Variants in RUNX1T1 observed in about 807,000 individuals in gnomAD.
The protein encoded by RUNX1T1 is RUNX1 partner transcriptional co-repressor 1.
A neutral mutation model predicts 62.8 loss-of-function variants in RUNX1T1; 4 were observed. The observed-to-expected ratio is 0.06, with a 90% confidence interval of 0.03 to 0.15. RUNX1T1 has a LOEUF of 0.15. RUNX1T1 is among the 10% of genes least tolerant of loss of function. RUNX1T1 has a pLI of 1.00. For synonymous variants in RUNX1T1, 291 were observed against 286.0 expected (o/e 1.02, Z -0.18); for missense variants, 508 against 754.3 (o/e 0.67, Z 3.82).
chr8:92,039,144 G>GTTT (rs71563486), intron 1 of RUNX1T1, among the ~76,000 whole-genome samples: 12 of 137,116 alleles, frequency 8.8e-5, no homozygotes, highest in Non-Finnish European at 1.4e-4. Flanking sequence ...TTTTGTTGTT[G>GTTT]TTTTTTTTTT....
At chr8:92,085,383 T>C (rs1376843591) in intron 1 of RUNX1T1, among the ~76,000 whole-genome samples, 1 of 152,232 alleles carries the variant, frequency 6.6e-6, no homozygotes, top group Non-Finnish European at 1.5e-5. Context: ...TGTATATACT[T>C]GCACAAGTAG....
At chr8:91,966,657 AAAT>A (rs1811696637) in intron 10 of RUNX1T1, among the ~76,000 whole-genome samples, 1 of 152,178 alleles carries the variant, frequency 6.6e-6, no homozygotes, top group African/African-American at 2.4e-5. Context: ...AATATGGAGA[AAAT>A]AAAAGAATTT....
chr8:92,048,338 C>T (rs746142), intron 1 of RUNX1T1, among the ~76,000 whole-genome samples: 37,936 of 151,796 alleles, frequency 0.25, 5,208 homozygotes, highest in African/African-American at 0.37. Flanking sequence ...GTGTATGCAA[C>T]GTGATTTGAC....
chr8:92,008,178 T>C (rs890101652), intron 4 of RUNX1T1, among the ~76,000 whole-genome samples: 3 of 151,982 alleles, frequency 2.0e-5, no homozygotes, highest in Admixed American at 1.3e-4. Context: ...ATCCCAAAGA[T>C]AAGAAATCCT....
At chr8:91,999,189 A>C (rs1386591738) in intron 5 of RUNX1T1, among the ~76,000 whole-genome samples, 1 of 152,186 alleles carries the variant, frequency 6.6e-6, no homozygotes, top group Non-Finnish European at 1.5e-5. Flanking sequence ...ACTTTCATAC[A>C]GGACATGTAT....
chr8:92,017,477 A>G (rs766791010), intron 1 of RUNX1T1, 114 bp from the exon 3 acceptor site: 1 of 1,565,586 alleles, frequency 6.4e-7, no homozygotes, highest in Admixed American at 1.9e-5. Context: ...ATCTTCTATC[A>G]ATAAAATACA....
intron 8 of RUNX1T1, among the ~76,000 whole-genome samples, chr8:91,979,293 C>T (rs185914579): frequency 5.3e-5 from 8 of 152,108 alleles, no homozygotes; most frequent in Non-Finnish European, 1.2e-4. Context: ...ACAATTCTCT[C>T]CTAGGACTTT....
intron 1 of RUNX1T1, among the ~76,000 whole-genome samples, chr8:92,082,712 C>A (rs766043161): frequency 4.6e-5 from 7 of 152,200 alleles, no homozygotes; most frequent in Non-Finnish European, 1.0e-4. Flanking sequence ...CCTCACTGTT[C>A]AGTACCATCT....
At chr8:91,996,480 C>A (rs1033251504) in intron 5 of RUNX1T1, among the ~76,000 whole-genome samples, 1 of 152,310 alleles carries the variant, frequency 6.6e-6, no homozygotes, top group Admixed American at 6.5e-5. Context: ...GGATTACAGG[C>A]GTGAGCCACA....
exon 1 of RUNX1T1, chr8:92,062,626 T>G (rs757434194): frequency 6.2e-7 from 1 of 1,613,976 alleles, no homozygotes; most frequent in Non-Finnish European, 8.5e-7. Context: ...ATGCCTCCTG[T>G]TCTGGAATGA....
intron 5 of RUNX1T1, among the ~76,000 whole-genome samples, chr8:92,000,013 T>G (rs556614628): frequency 6.6e-6 from 1 of 152,102 alleles, no homozygotes; most frequent in Non-Finnish European, 1.5e-5. Flanking sequence ...AACATATAAA[T>G]GTAATTTTGT....
At chr8:91,959,536 A>AT (rs34692993) in exon 11 of RUNX1T1, 22,689 of 169,246 alleles carry the variant, frequency 0.13, 1,956 homozygotes, top group Admixed American at 0.25. Context: ...GTATTATGGC[A>AT]TTTTTTTTTC....
At chr8:92,088,494 ATACTCCACTTGTC>A (rs1836481876) in intron 1 of RUNX1T1, among the ~76,000 whole-genome samples, 1 of 152,196 alleles carries the variant, frequency 6.6e-6, no homozygotes, top group East Asian at 1.9e-4. Flanking sequence ...CTAATTTCTG[ATACTCCACTTGTC>A]AATGTGCATT....
At chr8:91,957,750 G>A (rs1809593518), downstream of RUNX1T1, 1 of 225,624 alleles carries the variant, frequency 4.4e-6, no homozygotes, top group Non-Finnish European at 8.8e-6. Flanking sequence ...AGACTAGAAA[G>A]CAGAGTGAGG....
chr8:92,083,250 G>A (rs1236873753), intron 1 of RUNX1T1, among the ~76,000 whole-genome samples: 1 of 152,114 alleles, frequency 6.6e-6, no homozygotes, highest in Non-Finnish European at 1.5e-5. Context: ...CTTGACAAAT[G>A]GGATCTAATT....
intron 10 of RUNX1T1, among the ~76,000 whole-genome samples, chr8:91,967,385 G>A (rs141963059): frequency 1.1e-3 from 127 of 113,778 alleles, no homozygotes; most frequent in African/African-American, 3.0e-3. Context: ...CCCCTCCCCC[G>A]CCCACCTACA....
chr8:92,025,975 A>T (rs1587102285), intron 1 of RUNX1T1, among the ~76,000 whole-genome samples: 1 of 152,216 alleles, frequency 6.6e-6, no homozygotes, highest in South Asian at 2.1e-4. Context: ...TACACATATG[A>T]TCTATGGCCT....
At chr8:91,977,704 A>G (rs1814279053) in intron 8 of RUNX1T1, among the ~76,000 whole-genome samples, 1 of 152,276 alleles carries the variant, frequency 6.6e-6, no homozygotes, top group Non-Finnish European at 1.5e-5. Context: ...AAGTTTGAAG[A>G]AAGAAAAAAA....
rs186013468 is a variant in RUNX1T1 at position 92,042,650 on chromosome 8, G to T, written c.7+19896C>A. Among the ~76,000 whole-genome samples, 19 of 152,258 alleles carry T rather than the reference G, an allele frequency of 1.2e-4. No homozygotes were observed. The East Asian group carries it at 3.5e-3, about 28-fold the overall frequency. ...CTGCTTTCCCTCACCTTAAAGTAAGGGTGGTCCTGGCAACTGCCTCTGTAA... is the reference window on the plus strand; with the variant it reads ...CTGCTTTCCCTCACCTTAAAGTAAGTGTGGTCCTGGCAACTGCCTCTGTAA... On this transcript the variant is annotated intron_variant, in intron 1 of 10. Transcript: ENST00000396218.
Sources: allele counts gnomAD v4.1 joint callset (sites outside exome capture counted in the v4.1 genomes callset), GRCh38; gene constraint gnomAD v4.1.1; transcripts MANE v1.5; gene names NCBI Gene and HGNC (gene_info 2026-07-23, HGNC 2026-07-21).